SPAST: variants seen among roughly 807,000 people sequenced by gnomAD.
The protein encoded by SPAST is spastic paraplegia 4 (autosomal dominant; spastin).
A neutral mutation model predicts 76.6 loss-of-function variants in SPAST; 30 were observed. The ratio of observed to expected loss-of-function variants is 0.39; its 90% CI spans 0.29 to 0.53. The LOEUF is 0.53. SPAST is among the 20% of genes least tolerant of loss of function. The pLI, the probability that SPAST is intolerant of heterozygous loss-of-function variation, is 0.68. For missense variants in SPAST, 717 were observed against 770.5 expected (o/e 0.93, Z 0.82); for synonymous variants, 305 against 281.0 (o/e 1.09, Z -0.86).
rs141328479 is a variant in SPAST at position 32,122,825 on chromosome 2, G to A, written c.1099-4123G>A. Among the ~76,000 whole-genome samples the A allele has an allele frequency of 3.5e-4, 53 of 151,938 alleles. No individual in the cohort carries two copies. The East Asian group carries it at 8.9e-3, about 26-fold the overall frequency. Reference sequence around the variant, plus strand: ...ATCTTTGTTTGCAGATAACATGATTGCATATGTAGAAAATCCCAAAGAACC... The same window carrying A: ...ATCTTTGTTTGCAGATAACATGATTACATATGTAGAAAATCCCAAAGAACC... On this transcript the variant is annotated intron_variant, in intron 7 of 16. Coordinates refer to ENST00000315285, the MANE Select transcript of SPAST (RefSeq NM_014946.4).
chr2:32,148,772 C>CT (rs1679978570), intron 16 of SPAST, among the ~76,000 whole-genome samples: 1 of 150,120 alleles, frequency 6.7e-6, no homozygotes, highest in Admixed American at 6.7e-5. Context: ...GATCGTGCCA[C>CT]TGCACTCCAG....
chr2:32,125,469 C>T (rs142841515), intron 7 of SPAST, among the ~76,000 whole-genome samples: 17 of 151,542 alleles, frequency 1.1e-4, no homozygotes, highest in Non-Finnish European at 2.5e-4. Context: ...GGGATCTGCC[C>T]GCCTCGGCCT....
chr2:32,114,722 G>T lies in SPAST; in HGVS notation c.767G>T (p.Gly256Val), dbSNP rs1476604329. 6.2e-7 allele frequency: 1 copy of T among 1,613,994 alleles called. No homozygotes were observed. The highest frequency in any genetic ancestry group is 8.5e-7 in the Non-Finnish European group (1 of 1,179,926). Reference sequence around the variant, plus strand: ...CGTTCAAAAACAGTTATGAAAACTGGATCTGCAGGCCTTTCAGGCCACCAT... The same window carrying T: ...CGTTCAAAAACAGTTATGAAAACTGTATCTGCAGGCCTTTCAGGCCACCAT... ...LPRSKTVMKT[G>V]SAGLSGHHRA... The change falls in exon 5 of 17, where the codon GGA becomes GTA. Residue 256 changes from glycine (G) to valine (V), a missense_variant. By Grantham distance (109) the Gly-to-Val change is moderately radical. This residue lies in a region of SPAST where 543 missense variants were observed against 445.2 expected (regional missense o/e 1.22). Transcript: ENST00000315285.
intron 4 of SPAST, among the ~76,000 whole-genome samples, chr2:32,114,430 G>C (rs567167874): frequency 6.6e-6 from 1 of 152,042 alleles, no homozygotes; most frequent in African/African-American, 2.4e-5. Context: ...AGAATTATAC[G>C]TTAGGGGGAA....
intron 4 of SPAST, among the ~76,000 whole-genome samples, chr2:32,111,502 C>A (rs926088076): frequency 2.0e-5 from 3 of 150,410 alleles, no homozygotes; most frequent in Non-Finnish European, 3.0e-5. Context: ...TTAGTAATAT[C>A]AAAAAACCAT....
chr2:32,128,957 T>G (rs756743533), intron 9 of SPAST: 14 of 192,256 alleles, frequency 7.3e-5, no homozygotes, highest in Non-Finnish European at 1.3e-4. Context: ...TGTCCAAATT[T>G]CCCCTGTGGA....
At chr2:32,143,217 A>C (rs911218782) in intron 13 of SPAST, 119 bp from the exon 14 acceptor site, 36 of 653,054 alleles carry the variant, frequency 5.5e-5, no homozygotes, top group African/African-American at 5.3e-4. Context: ...ATAGTGAGCT[A>C]TGATTGTGCC....
intron 1 of SPAST, among the ~76,000 whole-genome samples, chr2:32,079,866 C>G (rs903268632): frequency 2.0e-5 from 3 of 152,186 alleles, no homozygotes; most frequent in African/African-American, 7.2e-5. Context: ...TGGATTGTTT[C>G]CATCTATTGT....
At chr2:32,100,081 C>T (rs1476418622) in intron 4 of SPAST, among the ~76,000 whole-genome samples, 6 of 152,150 alleles carry the variant, frequency 3.9e-5, no homozygotes, top group East Asian at 3.9e-4. Flanking sequence ...TTTGAGGAAC[C>T]TCCATACTCT....
intron 3 of SPAST, 140 bp from the exon 4 acceptor site, chr2:32,098,656 T>C (rs1678007252): frequency 1.9e-5 from 11 of 589,494 alleles, no homozygotes; most frequent in South Asian, 1.5e-4. Flanking sequence ...GATAATTTTA[T>C]ATAAATGCAA....
intron 4 of SPAST, among the ~76,000 whole-genome samples, chr2:32,099,504 T>C (rs1678041006): frequency 6.6e-6 from 1 of 152,168 alleles, no homozygotes; most frequent in Middle Eastern, 3.2e-3. Context: ...TTCTCTGACA[T>C]CTGAGCTAGC....
intron 3 of SPAST, among the ~76,000 whole-genome samples, chr2:32,093,029 C>T (rs957686059): frequency 7.0e-6 from 1 of 142,140 alleles, no homozygotes; most frequent in African/African-American, 2.6e-5. Flanking sequence ...ACGCCGGGCA[C>T]TGTGGCTCAC....
At chr2:32,083,764 A>AT (rs1677352200) in intron 1 of SPAST, among the ~76,000 whole-genome samples, 3 of 45,230 alleles carry the variant, frequency 6.6e-5, no homozygotes, top group Non-Finnish European at 1.3e-4. Flanking sequence ...ATATATATAT[A>AT]TATATATATA....
intron 16 of SPAST, among the ~76,000 whole-genome samples, chr2:32,148,532 G>A (rs573436334): frequency 1.8e-3 from 267 of 152,006 alleles, no homozygotes; most frequent in African/African-American, 5.8e-3. Context: ...AAATTAGGCC[G>A]GGGGCGGTGG....
At chr2:32,121,941 C>T (rs1026587741) in intron 7 of SPAST, among the ~76,000 whole-genome samples, 4 of 152,200 alleles carry the variant, frequency 2.6e-5, no homozygotes, top group African/African-American at 9.6e-5. Context: ...CAAGATTCCT[C>T]CTCTTTTCTT....
rs1679207705 is a variant in SPAST, at chr2:32,126,761, C to T, written c.1099-187C>T. 13 of 551,074 alleles carry T rather than the reference C, an allele frequency of 2.4e-5. No individual in the cohort carries two copies. The South Asian group carries it at 2.4e-4, about 10-fold the overall frequency. The allele number at this position is 551,074 out of a possible 1,614,324, so 34.1% of individuals were successfully genotyped here. On this transcript the variant is annotated intron_variant, in intron 7 of 16. Coordinates refer to ENST00000315285, the MANE Select transcript of SPAST (RefSeq NM_014946.4). Reference sequence around the variant, plus strand: ...CTTTGCCCCCTAAAGTCTGGGATTACAGGTGTGAGCCACCACACCCAGCTG... The same window carrying T: ...CTTTGCCCCCTAAAGTCTGGGATTATAGGTGTGAGCCACCACACCCAGCTG...
At position 32,064,319 on chromosome 2, in the gene SPAST, C is replaced by CTTTT. The variant is rs1676422484; in HGVS notation, c.415+73_415+74insTTTT. On this transcript the variant is annotated intron_variant, in intron 1 of 16. Coordinates refer to ENST00000315285, the MANE Select transcript of SPAST (RefSeq NM_014946.4). ...GTGGGGTCGCCGGGGGAGGGCAACA[C>CTTTT]CTGCGTCCCTTTTCTGCGGGAGGGG... 12 of 1,308,958 alleles carry CTTTT rather than the reference C, an allele frequency of 9.2e-6. 1 individual carries two copies. In the South Asian group the frequency reaches 1.5e-4, roughly 17 times the overall value. The allele number at this position is 1,308,958 out of a possible 1,614,324, so 81.1% of individuals were successfully genotyped here. A position where few individuals can be genotyped will look rare whatever the true frequency, so the allele number is the denominator to read the frequency against.
At chr2:32,093,818 A>T (rs907226019) in intron 3 of SPAST, among the ~76,000 whole-genome samples, 13 of 149,562 alleles carry the variant, frequency 8.7e-5, no homozygotes, top group Admixed American at 4.7e-4. Context: ...CTATCTTAAA[A>T]ATATATATAT....
Position 32,115,781 on chromosome 2 carries a change from T to G in SPAST, c.950T>G (p.Phe317Cys), listed in dbSNP as rs759832933. The G allele has an allele frequency of 3.7e-6, 6 of 1,612,036 alleles. No homozygotes were observed. The highest frequency in any genetic ancestry group is 3.4e-6 in the Non-Finnish European group (4 of 1,178,480). ...CGTAAGAAAAAAGACTTGAAGAATT[T>G]TAGGAATGTGGACAGCAACCTTGCT... ...ATRKKKDLKNFRNVDSNLANL... is the reference protein window; with the variant it reads ...ATRKKKDLKNCRNVDSNLANL... Residue 317 changes from phenylalanine to cysteine, a missense_variant, in exon 6 of 17, where the codon TTT becomes TGT. This residue lies in a region of SPAST where 543 missense variants were observed against 445.2 expected (regional missense o/e 1.22). Transcript: ENST00000315285.
Sources: allele counts gnomAD v4.1 joint callset (sites outside exome capture counted in the v4.1 genomes callset), GRCh38; gene constraint gnomAD v4.1.1; regional missense constraint gnomAD v4.1.1; transcripts MANE v1.5; gene names NCBI Gene and HGNC (gene_info 2026-07-23, HGNC 2026-07-21).